ARHGEF10: variants seen among roughly 807,000 people sequenced by gnomAD.
The protein encoded by ARHGEF10 is Rho guanine nucleotide exchange factor (GEF) 10.
Under a neutral mutation model 147.4 loss-of-function variants are expected in ARHGEF10, and 140 were observed. The observed-to-expected ratio is 0.95, with a 90% confidence interval of 0.83 to 1.09. The LOEUF is 1.09. Among genes scored for constraint, ARHGEF10 ranks in the 50% least tolerant of loss-of-function variants. The probability of loss-of-function intolerance (pLI) is 0.00; values close to 1 mark genes in which losing one functional copy is unlikely to be tolerated. For synonymous variants in ARHGEF10, 902 were observed against 695.8 expected, an observed-to-expected ratio of 1.30 and a Z score of -4.67; for missense variants, 2,222 against 1,752.7, an observed-to-expected ratio of 1.27 and a Z score of -4.78.
chr8:1,945,412 C>A, intron 26 of ARHGEF10, 69 bp from the exon 27 acceptor site: 1 of 1,535,022 alleles, frequency 6.5e-7, no homozygotes, highest in South Asian at 1.2e-5. Context: ...CTGGACGCCA[C>A]GTGGACCCAA....
In ARHGEF10 at chr8:1,901,275, G is replaced by C. The variant is rs143881733; in HGVS notation, c.1651-2006G>C. On this transcript the variant is annotated intron_variant, in intron 15 of 28. Coordinates refer to ENST00000349830, the MANE Select transcript of ARHGEF10 (RefSeq NM_014629.4). ...TGTAGGTGGATGGGGAGACAGTGTG[G>C]AGAGGCCTGGACACCCTCTGTCCCC... 3.7e-4 allele frequency among the ~76,000 whole-genome samples: 56 copies of C among 152,150 alleles called. No individual in the cohort carries two copies. In the East Asian group the frequency reaches 0.011, roughly 29 times the overall value.
intron 27 of ARHGEF10, among the ~76,000 whole-genome samples, chr8:1,949,032 G>C (rs770253619): frequency 6.6e-6 from 1 of 152,072 alleles, no homozygotes; most frequent in Non-Finnish European, 1.5e-5. Flanking sequence ...GTGTGTGTGT[G>C]TGTGTGTGTG....
chr8:1,832,659 C>CAGGCAGAGGCAGAGACAGAGAGAT (rs1563148256), intron 1 of ARHGEF10, among the ~76,000 whole-genome samples: 2 of 35,220 alleles, frequency 5.7e-5, no homozygotes, highest in Non-Finnish European at 1.1e-4. Flanking sequence ...CAGAGAGAGA[C>CAGGCAGAGGCAGAGACAGAGAGAT]AGAGGCAGAG....
intron 5 of ARHGEF10, 36 bp from the exon 6 acceptor site, chr8:1,866,490 C>G (rs1481347793): frequency 1.2e-6 from 2 of 1,606,888 alleles, no homozygotes; most frequent in Non-Finnish European, 8.5e-7. Flanking sequence ...TGGGCTGTGC[C>G]TGGATATTCT....
At chr8:1,933,337 G>A (rs2129235942) in intron 25 of ARHGEF10, among the ~76,000 whole-genome samples, 1 of 152,284 alleles carries the variant, frequency 6.6e-6, no homozygotes, top group East Asian at 1.9e-4. Flanking sequence ...AATGATGACT[G>A]AATCATCTTC....
At chr8:1,836,074 G>A (rs1411661577) in intron 1 of ARHGEF10, among the ~76,000 whole-genome samples, 6 of 151,818 alleles carry the variant, frequency 4.0e-5, no homozygotes, top group Non-Finnish European at 7.4e-5. Flanking sequence ...CCAGCTACTC[G>A]GGAGGCTGAG....
intron 7 of ARHGEF10, among the ~76,000 whole-genome samples, chr8:1,873,209 G>T (rs988598440): frequency 2.0e-5 from 3 of 152,332 alleles, no homozygotes; most frequent in Admixed American, 2.0e-4. Flanking sequence ...GGCCCTGTGG[G>T]ATGCTCTGTG....
At chr8:1,956,207 C>G (rs1248768030) in intron 28 of ARHGEF10, among the ~76,000 whole-genome samples, 2 of 152,156 alleles carry the variant, frequency 1.3e-5, no homozygotes, top group East Asian at 1.9e-4. Context: ...ACGATCGTGA[C>G]TTTAAAATTT....
intron 2 of ARHGEF10, among the ~76,000 whole-genome samples, chr8:1,855,160 G>T (rs1271144442): frequency 6.6e-6 from 1 of 152,166 alleles, no homozygotes; most frequent in African/African-American, 2.4e-5. Flanking sequence ...GCAGATATTT[G>T]AGAGCCTATT....
intron 11 of ARHGEF10, 130 bp downstream of exon 11, chr8:1,885,837 G>C: frequency 1.3e-6 from 1 of 764,882 alleles, no homozygotes; most frequent in East Asian, 2.7e-5. Flanking sequence ...GCCCTCCACT[G>C]TAGGTTCCTG....
chr8:1,836,831 C>T (rs1026558167), intron 1 of ARHGEF10, among the ~76,000 whole-genome samples: 10 of 152,144 alleles, frequency 6.6e-5, no homozygotes, highest in Admixed American at 2.6e-4. Context: ...CTGGTCTTTC[C>T]CGTGATATTC....
At chr8:1,893,092 CA>C (rs34033686) in intron 11 of ARHGEF10, among the ~76,000 whole-genome samples, 1,613 of 76,834 alleles carry the variant, frequency 0.021, 2 homozygotes, top group East Asian at 0.029. Context: ...AAGATCTTTG[CA>C]AAAAAAAAAA....
intron 15 of ARHGEF10, among the ~76,000 whole-genome samples, chr8:1,901,752 C>T (rs1044042271): frequency 6.6e-6 from 1 of 152,154 alleles, no homozygotes; most frequent in African/African-American, 2.4e-5. Context: ...GGGTTTGGTG[C>T]AGAACTAGTG....
At chr8:1,900,187 C>G (rs989594963) in intron 15 of ARHGEF10, among the ~76,000 whole-genome samples, 3 of 151,954 alleles carry the variant, frequency 2.0e-5, no homozygotes, top group Non-Finnish European at 4.4e-5. Flanking sequence ...AAGTAAGTAA[C>G]TATTTTTGCC....
At chr8:1,884,923 C>T (rs963923456) in intron 10 of ARHGEF10, among the ~76,000 whole-genome samples, 1 of 152,040 alleles carries the variant, frequency 6.6e-6, no homozygotes, top group African/African-American at 2.4e-5. Context: ...CACAACCATG[C>T]CTGGCTAATT....
chr8:1,909,546 C>A, intron 18 of ARHGEF10, 76 bp downstream of exon 18: 1 of 1,579,896 alleles, frequency 6.3e-7, no homozygotes, highest in Non-Finnish European at 8.6e-7. Context: ...GTGGGGCCAG[C>A]GTAAGCTCCA....
chr8:1,871,252 T>A (rs954941057), intron 7 of ARHGEF10: 3 of 151,688 alleles, frequency 2.0e-5, no homozygotes, highest in Non-Finnish European at 4.4e-5. Flanking sequence ...TGAAATATTT[T>A]AAAAAATTAA....
chr8:1,933,744 C>G, intron 25 of ARHGEF10, 56 bp from the exon 26 acceptor site: 3 of 1,604,682 alleles, frequency 1.9e-6, no homozygotes, highest in Admixed American at 1.7e-5. Context: ...ACCCCATTTT[C>G]CCATTCCTGT....
In ARHGEF10 at chr8:1,894,362, G is replaced by A. The variant is rs750814143; in HGVS notation, c.1261-31G>A. On this transcript the variant is annotated intron_variant, in intron 12 of 28. Transcript: ENST00000349830. ...AAGACCCAGGCTCTGAAAAAGAAAAGTCTGAACTGTCTTTGCTCATTTTGT... is the reference window on the plus strand; with the variant it reads ...AAGACCCAGGCTCTGAAAAAGAAAAATCTGAACTGTCTTTGCTCATTTTGT... The A allele has an allele frequency of 1.8e-4, 295 of 1,613,590 alleles. 3 individuals are homozygous for A. In the East Asian group the frequency reaches 6.5e-3, roughly 35 times the overall value.
Sources: allele counts gnomAD v4.1 joint callset (sites outside exome capture counted in the v4.1 genomes callset), GRCh38; gene constraint gnomAD v4.1.1; transcripts MANE v1.5; gene names NCBI Gene and HGNC (gene_info 2026-07-23, HGNC 2026-07-21).